GYPC: variants seen among roughly 807,000 people sequenced by gnomAD.
GYPC encodes glycophorin C (Gerbich blood group), also known as glycophorin-C.
A neutral mutation model predicts 12.6 loss-of-function variants in GYPC; 14 were observed. That is an observed-to-expected ratio of 1.11 (90% CI 0.74 to 1.74). GYPC has a LOEUF of 1.74. Among genes scored for constraint, GYPC ranks in the 40% most tolerant of loss-of-function variants. The probability of loss-of-function intolerance (pLI) is 0.00; values close to 1 mark genes in which losing one functional copy is unlikely to be tolerated. For missense variants in GYPC, 225 were observed against 172.1 expected (o/e 1.31, Z -1.72); for synonymous variants, 78 against 62.1 (o/e 1.26, Z -1.20).
intron 1 of GYPC, among the ~76,000 whole-genome samples, chr2:126,659,780 C>CTTTTTTTTTT (rs1203132482): frequency 2.2e-5 from 3 of 137,900 alleles, no homozygotes; most frequent in Non-Finnish European, 4.7e-5. Context: ...TCTTTCTTTT[C>CTTTTTTTTTT]TTTTTTTTTT....
At chr2:126,660,730 A>T (rs1343494713) in intron 1 of GYPC, among the ~76,000 whole-genome samples, 1 of 152,144 alleles carries the variant, frequency 6.6e-6, no homozygotes, top group Non-Finnish European at 1.5e-5. Flanking sequence ...AGAGCCTTTA[A>T]AAAGCCTTCA....
intron 1 of GYPC, among the ~76,000 whole-genome samples, chr2:126,672,400 C>T (rs530457962): frequency 6.6e-6 from 1 of 152,286 alleles, no homozygotes; most frequent in Non-Finnish European, 1.5e-5. Flanking sequence ...TGCACATTCA[C>T]CTGCACACAC....
At chr2:126,691,687 G>A (rs933296230) in intron 2 of GYPC, among the ~76,000 whole-genome samples, 1 of 152,150 alleles carries the variant, frequency 6.6e-6, no homozygotes. Flanking sequence ...TCTCCAAGCA[G>A]TGTTCTTGCA....
intron 1 of GYPC, among the ~76,000 whole-genome samples, chr2:126,666,132 G>A (rs368864102): frequency 6.6e-6 from 1 of 152,226 alleles, no homozygotes; most frequent in Non-Finnish European, 1.5e-5. Flanking sequence ...AGCTGCGAAT[G>A]CAGTGCTCAG....
At chr2:126,666,000 C>G (rs919178622) in intron 1 of GYPC, among the ~76,000 whole-genome samples, 5 of 152,174 alleles carry the variant, frequency 3.3e-5, no homozygotes, top group Non-Finnish European at 5.9e-5. Flanking sequence ...CTGCTCAGAT[C>G]GTTACAGCCC....
intron 1 of GYPC, among the ~76,000 whole-genome samples, chr2:126,680,805 G>A (rs1683130702): frequency 6.6e-6 from 1 of 152,176 alleles, no homozygotes; most frequent in Non-Finnish European, 1.5e-5. Flanking sequence ...TCCTAACCAG[G>A]TTAGGCAAAG....
At position 126,690,297 on chromosome 2, in the gene GYPC, C is replaced by G. The variant is rs144320100; in HGVS notation, c.92C>G (p.Thr31Ser). Reference sequence around the variant, plus strand: ...GCCTCTGCCTCCACCACAATGCATACTACCACCATTGCAGGTGAGTTCTCA... The same window carrying G: ...GCCTCTGCCTCCACCACAATGCATAGTACCACCATTGCAGGTGAGTTCTCA... ...GMASASTTMH[T>S]TTIAEPDPGM... The change falls in exon 2 of 4, where the codon ACT becomes AGT. Residue 31 changes from threonine to serine, a missense_variant. Coordinates refer to ENST00000259254, the MANE Select transcript of GYPC (RefSeq NM_002101.5). The G allele has an allele frequency of 1.9e-6, 3 of 1,611,098 alleles. No individual in the cohort carries two copies. The highest frequency in any genetic ancestry group is 2.5e-6 in the Non-Finnish European group (3 of 1,177,310).
chr2:126,687,332 A>G (rs1424300241), intron 1 of GYPC, among the ~76,000 whole-genome samples: 1 of 152,192 alleles, frequency 6.6e-6, no homozygotes, highest in Non-Finnish European at 1.5e-5. Context: ...AGAATCTACT[A>G]TAGTAATTAC....
At position 126,696,468 on chromosome 2, in the gene GYPC, G is replaced by C; in HGVS notation, c.*326G>C. The C allele has an allele frequency of 2.6e-6, 1 of 385,432 alleles. No individual in the cohort carries two copies. The highest frequency in any genetic ancestry group is 6.1e-5 in the East Asian group (1 of 16,316). 23.9% of individuals were successfully genotyped at this position (385,432 alleles called of 1,614,324 possible). On this transcript the variant is annotated 3_prime_UTR_variant, in exon 4 of 4. Coordinates refer to ENST00000259254, the MANE Select transcript of GYPC (RefSeq NM_002101.5). ...TCAGCTCACTGGCAGGAAAGTCCTT[G>C]TTGAGGGTGAGGGGGTGCTGGGGTA...
At chr2:126,664,021 C>A (rs1682615385) in intron 1 of GYPC, among the ~76,000 whole-genome samples, 1 of 147,680 alleles carries the variant, frequency 6.8e-6, no homozygotes, top group Non-Finnish European at 1.5e-5. Context: ...TCCTTCTCAG[C>A]CTTTTCCAGC....
chr2:126,669,976 G>A (rs908130607), intron 1 of GYPC, among the ~76,000 whole-genome samples: 1 of 152,214 alleles, frequency 6.6e-6, no homozygotes, highest in Non-Finnish European at 1.5e-5. Context: ...GCCCAGGGCT[G>A]TGGGAACAGA....
intron 1 of GYPC, among the ~76,000 whole-genome samples, chr2:126,668,156 G>A (rs1287196074): frequency 2.6e-5 from 4 of 152,186 alleles, no homozygotes; most frequent in Non-Finnish European, 5.9e-5. Context: ...ACACACAAAA[G>A]AGCGTCACAA....
intron 2 of GYPC, among the ~76,000 whole-genome samples, chr2:126,693,204 C>T (rs28387217): frequency 0.01 from 1,571 of 152,326 alleles, 27 homozygotes; most frequent in African/African-American, 0.035. Context: ...TTCTAGCTGT[C>T]GTGAGACTGG....
chr2:126,692,818 T>C (rs895032695), intron 2 of GYPC, among the ~76,000 whole-genome samples: 14 of 152,110 alleles, frequency 9.2e-5, no homozygotes, highest in Admixed American at 5.2e-4. Flanking sequence ...ACAGGAGCCC[T>C]GGGAAGGGCT....
intron 1 of GYPC, among the ~76,000 whole-genome samples, chr2:126,667,518 C>T (rs1242064822): frequency 6.6e-6 from 1 of 152,046 alleles, no homozygotes; most frequent in Non-Finnish European, 1.5e-5. Context: ...ATTCTCCTGC[C>T]TTAGCCTCCC....
intron 1 of GYPC, among the ~76,000 whole-genome samples, chr2:126,663,694 C>G (rs1682602635): frequency 6.6e-6 from 1 of 152,192 alleles, no homozygotes; most frequent in South Asian, 2.1e-4. Flanking sequence ...TGGGCCCCAG[C>G]ATTCACTGCA....
At chr2:126,679,080 A>G (rs954522401) in intron 1 of GYPC, among the ~76,000 whole-genome samples, 1 of 152,260 alleles carries the variant, frequency 6.6e-6, no homozygotes, top group Non-Finnish European at 1.5e-5. Flanking sequence ...AATTATGCTG[A>G]AAATGCAATT....
chr2:126,690,219 C>T lies in GYPC; in HGVS notation c.50-36C>T, dbSNP rs1210236427. On this transcript the variant is annotated intron_variant, in intron 1 of 3. Coordinates refer to ENST00000259254, the MANE Select transcript of GYPC (RefSeq NM_002101.5). ...GGTGCTGCTAGGCATGGAGAGTCTTCCTCTCTGACCTCAGATTCTTGTCCT... is the reference window on the plus strand; with the variant it reads ...GGTGCTGCTAGGCATGGAGAGTCTTTCTCTCTGACCTCAGATTCTTGTCCT... 5.8e-6 allele frequency: 9 copies of T among 1,549,496 alleles called. No individual in the cohort carries two copies. The East Asian group carries it at 1.8e-4, about 31-fold the overall frequency.
At chr2:126,673,088 CT>C (rs1558882929) in intron 1 of GYPC, among the ~76,000 whole-genome samples, 1 of 152,024 alleles carries the variant, frequency 6.6e-6, no homozygotes, top group African/African-American at 2.4e-5. Flanking sequence ...TTGGGAGGTA[CT>C]TTTCATCTGC....
Sources: allele counts gnomAD v4.1 joint callset (sites outside exome capture counted in the v4.1 genomes callset), GRCh38; gene constraint gnomAD v4.1.1; transcripts MANE v1.5; gene names NCBI Gene and HGNC (gene_info 2026-07-23, HGNC 2026-07-21).